Variants in PABPC4L observed in about 807,000 individuals in gnomAD.
PABPC4L encodes poly(A) binding protein cytoplasmic 4 like.
For synonymous variants in PABPC4L, 169 were observed against 164.1 expected (o/e 1.03, Z -0.23); for missense variants, 452 against 451.4 (o/e 1.00, Z -0.01).
At chr4:134,012,609 GGAC>G in the PABPC4L span, among the ~76,000 whole-genome samples, 1 of 152,240 alleles carries the variant, frequency 6.6e-6, no homozygotes, top group Admixed American at 6.5e-5. Flanking sequence ...CTCTTCACAT[GGAC>G]ATGCATGAAA....
At chr4:134,188,245 G>T in the PABPC4L span, among the ~76,000 whole-genome samples, 1 of 152,206 alleles carries the variant, frequency 6.6e-6, no homozygotes, top group East Asian at 1.9e-4. Flanking sequence ...GTATGCCCAT[G>T]AAGTGGGTAA....
the PABPC4L span, among the ~76,000 whole-genome samples, chr4:134,023,348 G>C: frequency 6.6e-6 from 1 of 152,216 alleles, no homozygotes; most frequent in African/African-American, 2.4e-5. Context: ...CAGACTTTCA[G>C]TGCGATTGTT....
the PABPC4L span, among the ~76,000 whole-genome samples, chr4:134,114,510 T>C: frequency 2.0e-5 from 3 of 151,848 alleles, no homozygotes; most frequent in African/African-American, 7.2e-5. Context: ...AGATTGTACC[T>C]CCGTAATACT....
At chr4:134,095,033 C>T in the PABPC4L span, among the ~76,000 whole-genome samples, 2 of 151,626 alleles carry the variant, frequency 1.3e-5, no homozygotes, top group African/African-American at 4.8e-5. Flanking sequence ...CATTAAAATT[C>T]AGTCTCTTAT....
At chr4:133,989,339 C>G in the PABPC4L span, among the ~76,000 whole-genome samples, 3 of 152,128 alleles carry the variant, frequency 2.0e-5, no homozygotes, top group Admixed American at 6.5e-5. Flanking sequence ...GGCTTTGCAA[C>G]TTAGAAATTT....
At chr4:134,160,323 C>T in the PABPC4L span, among the ~76,000 whole-genome samples, 1 of 152,180 alleles carries the variant, frequency 6.6e-6, no homozygotes, top group East Asian at 1.9e-4. Context: ...AGAGACTTTG[C>T]CTGGTATCCC....
chr4:134,152,910 A>T, the PABPC4L span, among the ~76,000 whole-genome samples: 1 of 152,138 alleles, frequency 6.6e-6, no homozygotes, highest in Admixed American at 6.5e-5. Flanking sequence ...GTGTGCAGAG[A>T]TCACATAGTA....
chr4:133,979,503 G>C, the PABPC4L span, among the ~76,000 whole-genome samples: 13 of 152,124 alleles, frequency 8.5e-5, no homozygotes, highest in Non-Finnish European at 1.6e-4. Context: ...GTTTCCAACA[G>C]ATGCAATACA....
chr4:133,961,809 G>T, the PABPC4L span, among the ~76,000 whole-genome samples: 39 of 152,290 alleles, frequency 2.6e-4, no homozygotes, highest in Admixed American at 2.5e-3. Flanking sequence ...ATCCAGTGAG[G>T]CATGTCCATT....
the PABPC4L span, among the ~76,000 whole-genome samples, chr4:134,113,648 A>G: frequency 2.0e-5 from 3 of 151,904 alleles, no homozygotes; most frequent in African/African-American, 7.2e-5. Context: ...GTACTGCCAT[A>G]CCAGATATAG....
At position 134,199,959 on chromosome 4, in the gene PABPC4L, C is replaced by T. The variant is rs1426197053; in HGVS notation, c.1061G>A (p.Gly354Asp). The part of the protein sequence containing the change: ...DATKAMTEMN[G>D]RILGSKPLSI... ...AAGAGGTTTGGAGCCCAAGATGCGGCCATTCATCTCAGTCATTGCTTTAGT... is the reference window on the plus strand; with the variant it reads ...AAGAGGTTTGGAGCCCAAGATGCGGTCATTCATCTCAGTCATTGCTTTAGT... The change falls in exon 2 of 2, where the codon GGC becomes GAC. Residue 354 changes from glycine (G) to aspartate (D), a missense_variant. Physicochemically the swap from Gly to Asp is moderately conservative, Grantham distance 94 (BLOSUM62 -1). Coordinates refer to ENST00000421491, the MANE Select transcript of PABPC4L (RefSeq NM_001114734.2). 1.9e-6 allele frequency: 3 copies of T among 1,551,610 alleles called. No homozygotes were observed. The East Asian group carries it at 7.3e-5, about 38-fold the overall frequency.
chr4:134,036,352 A>T, the PABPC4L span, among the ~76,000 whole-genome samples: 2 of 152,130 alleles, frequency 1.3e-5, no homozygotes, highest in Non-Finnish European at 2.9e-5. Flanking sequence ...TGATCTGTCA[A>T]TAATTCCTAT....
chr4:134,087,710 C>G, the PABPC4L span, among the ~76,000 whole-genome samples: 98 of 152,254 alleles, frequency 6.4e-4, no homozygotes, highest in Non-Finnish European at 1.0e-3. Context: ...TTCTTGGTTA[C>G]CTCTACAGAG....
the PABPC4L span, among the ~76,000 whole-genome samples, chr4:134,153,004 C>G: frequency 6.6e-6 from 1 of 152,084 alleles, no homozygotes; most frequent in African/African-American, 2.4e-5. Flanking sequence ...AGACCAAGAA[C>G]TCACTCAACT....
chr4:134,097,953 C>T, the PABPC4L span, among the ~76,000 whole-genome samples: 1 of 151,762 alleles, frequency 6.6e-6, no homozygotes, highest in Non-Finnish European at 1.5e-5. Flanking sequence ...GCTAGACCTA[C>T]TTCTTGTTTA....
chr4:134,100,932 A>G, the PABPC4L span, among the ~76,000 whole-genome samples: 1 of 151,622 alleles, frequency 6.6e-6, no homozygotes, highest in East Asian at 1.9e-4. Flanking sequence ...ATATAAAATA[A>G]TAATTTTAGT....
chr4:133,956,861 A>T, the PABPC4L span, among the ~76,000 whole-genome samples: 10 of 152,180 alleles, frequency 6.6e-5, no homozygotes, highest in African/African-American at 1.9e-4. Context: ...TAAAACCATG[A>T]GATCTTGTGA....
the PABPC4L span, among the ~76,000 whole-genome samples, chr4:134,084,865 G>A: frequency 1.4e-4 from 21 of 151,932 alleles, no homozygotes; most frequent in Non-Finnish European, 2.6e-4. Context: ...CACAAGACAG[G>A]GAAAGATTAG....
chr4:134,197,885 G>A lies in PABPC4L; in HGVS notation c.*2022C>T, dbSNP rs543762019. ...CACAAGTATTCTGGACAGCATTTAA[G>A]CAATATTTATCAAAATTACTTTTTA... On this transcript the variant is annotated 3_prime_UTR_variant, in exon 2 of 2. Coordinates refer to ENST00000421491, the MANE Select transcript of PABPC4L (RefSeq NM_001114734.2). 6.6e-6 allele frequency: 1 copy of A among 151,800 alleles called. No individual in the cohort carries two copies. Among genetic ancestry groups the A allele is most frequent in the South Asian group, 2.1e-4 (1 of 4,824 alleles). The allele number at this position is 151,800 out of a possible 1,614,324, so 9.4% of individuals were successfully genotyped here.
Sources: gnomAD v4.1 joint callset for allele counts (sites outside exome capture counted in the v4.1 genomes callset) on GRCh38, gnomAD v4.1.1 for gene constraint, MANE v1.5 for transcripts, NCBI Gene and HGNC (gene_info 2026-07-23, HGNC 2026-07-21) for gene names.